SLC35D4: variants seen among roughly 807,000 people sequenced by gnomAD.
SLC35D4 encodes solute carrier family 35 member D4.
At chr18:23,432,275 C>A in the SLC35D4 span, among the ~76,000 whole-genome samples, 4 of 152,170 alleles carry the variant, frequency 2.6e-5, no homozygotes, top group African/African-American at 9.6e-5. Context: ...CTTGCCTCAC[C>A]TTGCTAAAGA....
the SLC35D4 span, among the ~76,000 whole-genome samples, chr18:23,305,112 C>T: frequency 6.6e-6 from 1 of 152,208 alleles, no homozygotes; most frequent in Non-Finnish European, 1.5e-5. Context: ...GGAATTATAG[C>T]TATGGTATAA....
chr18:23,396,417 C>G, the SLC35D4 span, among the ~76,000 whole-genome samples: 1 of 152,080 alleles, frequency 6.6e-6, no homozygotes, highest in Non-Finnish European at 1.5e-5. Context: ...GTTTATCCAC[C>G]CTATGAATTT....
chr18:23,324,463 G>C, the SLC35D4 span, among the ~76,000 whole-genome samples: 2 of 152,202 alleles, frequency 1.3e-5, no homozygotes, highest in African/African-American at 2.4e-5. Flanking sequence ...CATTGAATTA[G>C]AAGTGAAAAA....
At chr18:23,358,165 T>C in the SLC35D4 span, among the ~76,000 whole-genome samples, 1 of 152,210 alleles carries the variant, frequency 6.6e-6, no homozygotes, top group East Asian at 1.9e-4. Flanking sequence ...CTTTGGCAGC[T>C]GTGTGCTCTT....
the SLC35D4 span, chr18:23,352,121 C>G: frequency 7.4e-7 from 1 of 1,360,374 alleles, no homozygotes; most frequent in East Asian, 2.4e-5. Flanking sequence ...CAAACAACTT[C>G]ACATTACCCA....
chr18:23,282,242 G>A, the SLC35D4 span, among the ~76,000 whole-genome samples: 1 of 152,202 alleles, frequency 6.6e-6, no homozygotes, highest in Non-Finnish European at 1.5e-5. Flanking sequence ...TTTGCCTCAG[G>A]CAACTGCTTA....
At chr18:23,326,396 G>T in the SLC35D4 span, among the ~76,000 whole-genome samples, 1 of 152,282 alleles carries the variant, frequency 6.6e-6, no homozygotes, top group African/African-American at 2.4e-5. Flanking sequence ...AGCACAGGTT[G>T]CAATCCTAGT....
chr18:23,354,507 G>A, the SLC35D4 span, among the ~76,000 whole-genome samples: 2 of 141,200 alleles, frequency 1.4e-5, no homozygotes, highest in Non-Finnish European at 3.0e-5. Flanking sequence ...GCGACAGAGC[G>A]AGATTCCGTC....
the SLC35D4 span, among the ~76,000 whole-genome samples, chr18:23,375,854 A>G: frequency 2.0e-5 from 3 of 152,212 alleles, no homozygotes; most frequent in Admixed American, 6.5e-5. Flanking sequence ...TAGAAAGTCA[A>G]TTTGGAGCTG....
the SLC35D4 span, chr18:23,370,323 T>C: frequency 3.9e-6 from 6 of 1,552,898 alleles, no homozygotes; most frequent in Non-Finnish European, 3.5e-6. Flanking sequence ...TGCTGGCCTG[T>C]CCGGGGACAC....
chr18:23,347,118 A>C, the SLC35D4 span, among the ~76,000 whole-genome samples: 1 of 152,250 alleles, frequency 6.6e-6, no homozygotes, highest in Non-Finnish European at 1.5e-5. Flanking sequence ...ATTCATCAAT[A>C]AAGCCAACTG....
At chr18:23,386,872 G>T in the SLC35D4 span, among the ~76,000 whole-genome samples, 3 of 152,136 alleles carry the variant, frequency 2.0e-5, no homozygotes, top group South Asian at 2.1e-4. Context: ...ACAAGGTGAG[G>T]GGGGAGAATG....
At chr18:23,257,455 C>G in the SLC35D4 span, 1 of 1,376,716 alleles carries the variant, frequency 7.3e-7, no homozygotes, top group Non-Finnish European at 9.8e-7. Flanking sequence ...AAAAGTAGAA[C>G]TCAGAATACC....
the SLC35D4 span, chr18:23,298,048 C>T: frequency 6.2e-7 from 1 of 1,613,910 alleles, no homozygotes; most frequent in Non-Finnish European, 8.5e-7. Flanking sequence ...AAGGCCTCTC[C>T]AAGCGCACCG....
chr18:23,417,263 A>T, the SLC35D4 span, among the ~76,000 whole-genome samples: 1 of 152,140 alleles, frequency 6.6e-6, no homozygotes, highest in African/African-American at 2.4e-5. Flanking sequence ...AAAATTAATA[A>T]AAGTATGGAG....
the SLC35D4 span, among the ~76,000 whole-genome samples, chr18:23,424,407 G>C: frequency 6.6e-6 from 1 of 152,176 alleles, no homozygotes; most frequent in African/African-American, 2.4e-5. Context: ...CAGACACCAA[G>C]CATTGTTCTA....
the SLC35D4 span, among the ~76,000 whole-genome samples, chr18:23,429,134 A>C: frequency 6.6e-6 from 1 of 152,196 alleles, no homozygotes; most frequent in Non-Finnish European, 1.5e-5. Context: ...GTTATTATGC[A>C]TAGTGCTGTG....
At chr18:23,291,188 G>A in the SLC35D4 span, among the ~76,000 whole-genome samples, 1 of 152,176 alleles carries the variant, frequency 6.6e-6, no homozygotes, top group Non-Finnish European at 1.5e-5. Flanking sequence ...CAGCGTCTGG[G>A]CTGAGGTCAG....
At chr18:23,410,247 G>A in the SLC35D4 span, among the ~76,000 whole-genome samples, 8 of 152,274 alleles carry the variant, frequency 5.3e-5, no homozygotes, top group Non-Finnish European at 7.4e-5. Flanking sequence ...TTGGGAGGCC[G>A]AGGTGGGCGG....
Sources: allele counts gnomAD v4.1 joint callset (sites outside exome capture counted in the v4.1 genomes callset), GRCh38; gene constraint gnomAD v4.1.1; transcripts MANE v1.5; gene names NCBI Gene and HGNC (gene_info 2026-07-23, HGNC 2026-07-21).